CCAR1: variants seen among roughly 807,000 people sequenced by gnomAD.
CCAR1 encodes cell division cycle and apoptosis regulator 1.
In CCAR1, 78 loss-of-function variants were observed where a neutral mutation model predicts 163.8. The ratio of observed to expected loss-of-function variants is 0.48; its 90% CI spans 0.40 to 0.57. The LOEUF (loss-of-function observed/expected upper bound fraction) is 0.57, where lower values mean the gene tolerates loss of function less well. CCAR1 is among the 20% of genes least tolerant of loss of function. CCAR1 has a pLI of 0.00. For synonymous variants in CCAR1, 443 were observed against 460.7 expected, an observed-to-expected ratio of 0.96 and a Z score of 0.49; for missense variants, 1,019 against 1,365.2, an observed-to-expected ratio of 0.75 and a Z score of 4.00.
At chr10:68,744,945 C>G (rs374686554) in intron 6 of CCAR1, among the ~76,000 whole-genome samples, 7 of 151,670 alleles carry the variant, frequency 4.6e-5, no homozygotes, top group African/African-American at 1.5e-4. Flanking sequence ...ACCCAGCTAC[C>G]TCGTGTAGCT....
chr10:68,754,347 A>G (rs2056372906), intron 11 of CCAR1, among the ~76,000 whole-genome samples: 1 of 152,254 alleles, frequency 6.6e-6, no homozygotes, highest in Non-Finnish European at 1.5e-5. Context: ...GGAATGTTGT[A>G]TGACTTCTGG....
intron 19 of CCAR1, among the ~76,000 whole-genome samples, chr10:68,783,698 G>A (rs1256736409): frequency 6.6e-6 from 1 of 152,114 alleles, no homozygotes; most frequent in South Asian, 2.1e-4. Context: ...AATTAGAAAT[G>A]CAGCCTGAAG....
intron 6 of CCAR1, among the ~76,000 whole-genome samples, chr10:68,745,769 T>G (rs1309642548): frequency 6.6e-6 from 1 of 151,688 alleles, no homozygotes; most frequent in Non-Finnish European, 1.5e-5. Context: ...GCCCGGCAAC[T>G]ATTTTTTTTT....
chr10:68,779,139 G>A (rs2056703708), intron 19 of CCAR1, among the ~76,000 whole-genome samples: 1 of 151,196 alleles, frequency 6.6e-6, no homozygotes, highest in African/African-American at 2.4e-5. Flanking sequence ...CACTGTGCCT[G>A]GCTGAGACTA....
intron 2 of CCAR1, among the ~76,000 whole-genome samples, chr10:68,730,428 C>G (rs2133307932): frequency 6.6e-6 from 1 of 151,780 alleles, no homozygotes; most frequent in African/African-American, 2.4e-5. Flanking sequence ...ACCTCCACCT[C>G]TTGGGTTCAA....
intron 4 of CCAR1, among the ~76,000 whole-genome samples, chr10:68,738,725 CA>C (rs2056145413): frequency 1.3e-5 from 2 of 151,908 alleles, no homozygotes; most frequent in South Asian, 4.2e-4. Flanking sequence ...GTATGGAAAT[CA>C]AAATATTAAA....
At chr10:68,782,458 A>T (rs1023693584) in intron 19 of CCAR1, among the ~76,000 whole-genome samples, 12 of 152,090 alleles carry the variant, frequency 7.9e-5, no homozygotes, top group African/African-American at 2.4e-4. Context: ...GCAAGTGCTT[A>T]TGTAGAAGCT....
rs1055415634 is a variant in CCAR1, at chr10:68,747,407, C to T, written c.667C>T (p.Pro223Ser). ...QSQTQPLLKT[P>S]PAVLQPIAPQ... is the part of the protein sequence containing the mutation. The stretch of plus-strand genomic sequence containing the variant: ...GCAAACCCAGCCATTACTGAAGACT[C>T]CTCCTGCTGTACTTCAGCCAATTGC... Residue 223 changes from proline (P) to serine (S), a missense_variant, in exon 8 of 25, where the codon CCT (proline) becomes TCT (serine). Physicochemically the swap from Pro to Ser is moderately conservative, Grantham distance 74 (BLOSUM62 -1). This residue lies in a region of CCAR1 where 644 missense variants were observed against 904.4 expected (regional missense o/e 0.71). Transcript: ENST00000265872. 1.2e-6 allele frequency: 2 copies of T among 1,613,892 alleles called. No homozygotes were observed. The highest frequency in any genetic ancestry group is 1.3e-5 in the African/African-American group (1 of 74,872).
At chr10:68,782,012 G>C (rs1184754902) in intron 19 of CCAR1, among the ~76,000 whole-genome samples, 1 of 152,106 alleles carries the variant, frequency 6.6e-6, no homozygotes, top group Non-Finnish European at 1.5e-5. Context: ...TGAATGCAAA[G>C]GAAAAGTTAT....
chr10:68,737,674 TTA>T (rs2056129552), intron 3 of CCAR1, among the ~76,000 whole-genome samples, 169 bp from the exon 4 acceptor site: 1 of 151,862 alleles, frequency 6.6e-6, no homozygotes, highest in Admixed American at 6.6e-5. Flanking sequence ...AAATTTATCT[TTA>T]TTATTATTAT....
At position 68,766,037 on chromosome 10, in the gene CCAR1, A is replaced by G. The variant is rs1036828309; in HGVS notation, c.2256A>G (p.Leu752=). 5.6e-6 allele frequency: 9 copies of G among 1,613,546 alleles called. No homozygotes were observed. The highest frequency in any genetic ancestry group is 4.5e-5 in the East Asian group (2 of 44,888). Residue 752 remains leucine, a synonymous_variant, in exon 17 of 25, where the codon CTA becomes CTG. Coordinates refer to ENST00000265872, the MANE Select transcript of CCAR1 (RefSeq NM_018237.4). ...GTAGCATCATGTCTTTGAGTGTCCT[A>G]TTGGACTACAGATTAGAGGATAATA... ...FDCSIMSLSV[L]LDYRLEDNKE... is the part of the protein sequence containing the mutation.
intron 19 of CCAR1, among the ~76,000 whole-genome samples, chr10:68,774,561 G>A (rs1020658975): frequency 1.3e-5 from 2 of 151,660 alleles, no homozygotes; most frequent in African/African-American, 4.8e-5. Context: ...AACTCGGGAG[G>A]CAGAGGTTGC....
intron 2 of CCAR1, among the ~76,000 whole-genome samples, chr10:68,726,066 A>G (rs1373913680): frequency 1.3e-5 from 2 of 149,190 alleles, no homozygotes; most frequent in African/African-American, 4.9e-5. Context: ...GTGAGCTGTG[A>G]TAGTTCCGCC....
At position 68,747,477 on chromosome 10, in the gene CCAR1, C is replaced by T. The variant is rs765066868; in HGVS notation, c.737C>T (p.Ser246Leu). 6.2e-7 allele frequency: 1 copy of T among 1,614,146 alleles called. No individual in the cohort carries two copies. The highest frequency in any genetic ancestry group is 1.1e-5 in the South Asian group (1 of 91,066). Reference protein sequence around the residue: ...FGVQTQPQPQSLLQAQISAAS... With the variant: ...FGVQTQPQPQLLLQAQISAAS... The stretch of plus-strand genomic sequence containing the variant: ...GTTCAGACTCAGCCCCAGCCCCAGT[C>T]ACTGCTGCAGGCACAGATTTCAGCA... Residue 246 changes from serine (S) to leucine (L), a missense_variant, in exon 8 of 25, where the codon TCA (serine) becomes TTA (leucine). Physicochemically the swap from Ser to Leu is moderately radical, Grantham distance 145 (BLOSUM62 -2). Around this residue, in one of 4 missense-constraint regions of CCAR1, gnomAD observed 644 missense variants for 904.4 expected, o/e 0.71. Transcript: ENST00000265872.
rs201223388 is a variant in CCAR1 at position 68,791,234 on chromosome 10, C to A, written c.3421C>A (p.Gln1141Lys). The change falls in exon 25 of 25, where the codon CAA (glutamine) becomes AAA (lysine). Residue 1141 changes from glutamine (Q) to lysine (K), a missense_variant. Coordinates refer to ENST00000265872, the MANE Select transcript of CCAR1 (RefSeq NM_018237.4). The part of the protein sequence containing the change: ...KDNVKNEDKD[Q>K]KSKENGASV ...TAATGTAAAGAATGAAGACAAAGAT[C>A]AAAAATCCAAGGAGAATGGTGCCAG... 446 of 1,598,174 alleles carry A rather than the reference C, an allele frequency of 2.8e-4. 1 individual carries two copies. The Middle Eastern group carries it at 5.5e-3, about 20-fold the overall frequency.
At chr10:68,771,699 C>CTT (rs943394789) in intron 18 of CCAR1, among the ~76,000 whole-genome samples, 1 of 151,868 alleles carries the variant, frequency 6.6e-6, no homozygotes, top group African/African-American at 2.4e-5. Flanking sequence ...AGGAGAATTG[C>CTT]TTAAACCTGG....
rs1438567640 is a variant in CCAR1 at position 68,754,754 on chromosome 10, A to G, written c.1385A>G (p.His462Arg). ...MASPSMEDLY[H>R]KSCALAEDPQ... ...AGCCCTAGTATGGAAGATTTATATC[A>G]TAAGTCATGTGCTCTTGCTGAGGAC... Residue 462 changes from histidine (H) to arginine (R), a missense_variant, in exon 12 of 25, where the codon CAT (histidine) becomes CGT (arginine). Physicochemically the swap from His to Arg is conservative, Grantham distance 29 (BLOSUM62 0). Transcript: ENST00000265872. 2.5e-6 allele frequency: 4 copies of G among 1,611,720 alleles called. No homozygotes were observed. Among genetic ancestry groups the G allele is most frequent in the Non-Finnish European group, 2.5e-6 (3 of 1,178,006 alleles).
rs1217249646 is a variant in CCAR1, at chr10:68,788,463, A to C, written c.3187+135A>C. On this transcript the variant is annotated intron_variant, in intron 23 of 24. Coordinates refer to ENST00000265872, the MANE Select transcript of CCAR1 (RefSeq NM_018237.4). ...ATACCAGATATTTTCATCGAAGTAC[A>C]TAAGGAACTTTTTAAAATTTTTTAT... 9.7e-6 allele frequency: 5 copies of C among 513,070 alleles called. No homozygotes were observed. In the Admixed American group the frequency reaches 1.3e-4, roughly 13 times the overall value. The allele number at this position is 513,070 out of a possible 1,614,324, so 31.8% of individuals were successfully genotyped here.
At chr10:68,724,004 CA>C in intron 2 of CCAR1, among the ~76,000 whole-genome samples, 1 of 150,440 alleles carries the variant, frequency 6.6e-6, no homozygotes, top group African/African-American at 2.4e-5. Flanking sequence ...ACTAAAAATA[CA>C]AAACTGGCTG....
Sources: allele counts gnomAD v4.1 joint callset (sites outside exome capture counted in the v4.1 genomes callset), GRCh38; gene constraint gnomAD v4.1.1; regional missense constraint gnomAD v4.1.1; transcripts MANE v1.5; gene names NCBI Gene and HGNC (gene_info 2026-07-23, HGNC 2026-07-21).